Variants in WWOX observed in about 807,000 individuals in gnomAD.
The protein encoded by WWOX is WW domain-containing oxidoreductase.
Under a neutral mutation model 46.2 loss-of-function variants are expected in WWOX, and 69 were observed. That is an observed-to-expected ratio of 1.49 (90% CI 1.23 to 1.82). WWOX has a LOEUF of 1.82. WWOX is among the 40% of genes most tolerant of loss of function. The pLI is 0.00. For synonymous variants in WWOX, 359 were observed against 202.6 expected, an observed-to-expected ratio of 1.77 and a Z score of -6.56; for missense variants, 919 against 542.6, an observed-to-expected ratio of 1.69 and a Z score of -6.89.
At chr16:78,422,684 TACAC>T (rs1199317546) in intron 6 of WWOX, among the ~76,000 whole-genome samples, 6 of 52,956 alleles carry the variant, frequency 1.1e-4, no homozygotes, top group South Asian at 7.0e-4. Context: ...TATATATATA[TACAC>T]ACACACACAC....
At chr16:78,328,166 T>C (rs2080671944) in intron 5 of WWOX, among the ~76,000 whole-genome samples, 2 of 152,254 alleles carry the variant, frequency 1.3e-5, no homozygotes, top group Non-Finnish European at 2.9e-5. Context: ...TGAGCCTCTG[T>C]ACCTGAGTTC....
chr16:78,275,659 C>A (rs370070219), intron 5 of WWOX, among the ~76,000 whole-genome samples: 1 of 152,208 alleles, frequency 6.6e-6, no homozygotes, highest in African/African-American at 2.4e-5. Flanking sequence ...GTTCTGCCCA[C>A]ATGGAATGGA....
At chr16:78,108,397 A>T in intron 1 of WWOX, 26 bp from the exon 2 acceptor site, 1 of 1,599,434 alleles carries the variant, frequency 6.3e-7, no homozygotes, top group South Asian at 1.1e-5. Flanking sequence ...TTTACTTATT[A>T]CTGTGGATTT....
At chr16:78,955,309 A>G (rs980759827) in intron 8 of WWOX, among the ~76,000 whole-genome samples, 4 of 152,194 alleles carry the variant, frequency 2.6e-5, no homozygotes, top group African/African-American at 7.2e-5. Context: ...CCACAGCTGC[A>G]CATACAACAA....
chr16:78,404,306 C>A (rs1343040007), intron 6 of WWOX, among the ~76,000 whole-genome samples: 1 of 152,036 alleles, frequency 6.6e-6, no homozygotes. Context: ...TGTAATTCAA[C>A]AAAATTCTGT....
At chr16:78,740,204 T>C (rs570944213) in intron 8 of WWOX, among the ~76,000 whole-genome samples, 1 of 152,166 alleles carries the variant, frequency 6.6e-6, no homozygotes. Context: ...CAGCCTGAAG[T>C]TGAAGAAATG....
chr16:78,157,470 T>C lies in WWOX; in HGVS notation c.410-6713T>C, dbSNP rs186091081. Among the ~76,000 whole-genome samples the C allele has an allele frequency of 3.0e-3, 450 of 152,300 alleles. 2 individuals are homozygous for C. The highest frequency in any genetic ancestry group is 0.01 in the African/African-American group (431 of 41,558). On this transcript the variant is annotated intron_variant, in intron 4 of 8. Coordinates refer to ENST00000566780, the MANE Select transcript of WWOX (RefSeq NM_016373.4). ...GATTATTGTCGTCTTGCTTTAAAGG[T>C]TGGAGATACAGCTTCAAAAACCTTT...
intron 8 of WWOX, among the ~76,000 whole-genome samples, chr16:79,162,986 A>G (rs1000056612): frequency 1.3e-5 from 2 of 152,204 alleles, no homozygotes; most frequent in Non-Finnish European, 2.9e-5. Flanking sequence ...AGATTTAGTT[A>G]TTGCTTATGG....
intron 8 of WWOX, among the ~76,000 whole-genome samples, chr16:78,460,731 A>G (rs187469400): frequency 1.7e-4 from 26 of 152,200 alleles, no homozygotes; most frequent in African/African-American, 6.0e-4. Context: ...CATTCGATCC[A>G]CGTGGCATAG....
At chr16:78,852,980 GC>G (rs1310919906) in intron 8 of WWOX, among the ~76,000 whole-genome samples, 14 of 152,196 alleles carry the variant, frequency 9.2e-5, no homozygotes, top group African/African-American at 3.1e-4. Context: ...TTTATATCTT[GC>G]CCCCACCCAG....
intron 8 of WWOX, among the ~76,000 whole-genome samples, chr16:78,770,316 A>AC (rs1410437327): frequency 6.6e-6 from 1 of 151,984 alleles, no homozygotes; most frequent in African/African-American, 2.4e-5. Flanking sequence ...GCACCACTGT[A>AC]CTCCAGCCTG....
At chr16:79,123,023 C>T (rs774546877) in intron 8 of WWOX, among the ~76,000 whole-genome samples, 6 of 152,138 alleles carry the variant, frequency 3.9e-5, no homozygotes, top group South Asian at 2.1e-4. Flanking sequence ...ACAATGTGAA[C>T]GCAAGGTGAG....
At chr16:78,746,042 G>A (rs1040452263) in intron 8 of WWOX, among the ~76,000 whole-genome samples, 5 of 152,134 alleles carry the variant, frequency 3.3e-5, no homozygotes, top group Non-Finnish European at 7.3e-5. Context: ...GAGAGGTGGA[G>A]GGGGGCTACT....
intron 8 of WWOX, among the ~76,000 whole-genome samples, chr16:78,767,903 A>G (rs998415659): frequency 2.0e-5 from 3 of 151,794 alleles, no homozygotes. Context: ...TTTTGGTTCT[A>G]TTTTTGCTTT....
chr16:78,966,557 T>A (rs2046366095), intron 8 of WWOX, among the ~76,000 whole-genome samples: 1 of 152,208 alleles, frequency 6.6e-6, no homozygotes, highest in Non-Finnish European at 1.5e-5. Flanking sequence ...TTAGATTGTT[T>A]CTAAATTTTC....
chr16:78,432,046 A>G (rs113159877), intron 7 of WWOX, among the ~76,000 whole-genome samples: 20 of 152,046 alleles, frequency 1.3e-4, no homozygotes, highest in African/African-American at 4.1e-4. Context: ...ACCATTGTCA[A>G]TCTTGAAAGG....
At chr16:78,678,850 G>A (rs1392134086) in intron 8 of WWOX, among the ~76,000 whole-genome samples, 1 of 152,118 alleles carries the variant, frequency 6.6e-6, no homozygotes, top group Non-Finnish European at 1.5e-5. Context: ...AAGAGTCCCT[G>A]TGCTTCCCAG....
intron 8 of WWOX, among the ~76,000 whole-genome samples, chr16:79,177,201 G>A (rs964418348): frequency 3.9e-5 from 6 of 152,146 alleles, no homozygotes; most frequent in Non-Finnish European, 2.9e-5. Flanking sequence ...AAAGAGAGAC[G>A]TGGCAACTGA....
chr16:78,179,915 C>T (rs2035475039), intron 5 of WWOX: 1 of 152,190 alleles, frequency 6.6e-6, no homozygotes, highest in Admixed American at 6.5e-5. Context: ...GAGGGTAAAA[C>T]AGCTGAGCCA....
Sources: allele counts gnomAD v4.1 joint callset (sites outside exome capture counted in the v4.1 genomes callset), GRCh38; gene constraint gnomAD v4.1.1; transcripts MANE v1.5; gene names NCBI Gene and HGNC (gene_info 2026-07-23, HGNC 2026-07-21).